The following ATP13A3 variants were observed in gnomAD, a reference collection of about 807,000 sequenced individuals.
ATP13A3 encodes the protein polyamine-transporting ATPase 13A3.
In ATP13A3, 59 loss-of-function variants were observed where a neutral mutation model predicts 158.1. The ratio of observed to expected loss-of-function variants is 0.37; its 90% CI spans 0.30 to 0.46. The LOEUF (loss-of-function observed/expected upper bound fraction) is 0.46, where lower values mean the gene tolerates loss of function less well. Among genes scored for constraint, ATP13A3 ranks in the 20% least tolerant of loss-of-function variants. ATP13A3 has a pLI of 1.00. For missense variants in ATP13A3, 1,166 were observed against 1,525.2 expected, an observed-to-expected ratio of 0.76 and a Z score of 3.92; for synonymous variants, 491 against 504.3, an observed-to-expected ratio of 0.97 and a Z score of 0.35.
chr3:194,417,396 G>GACACACAC (rs56119734), intron 31 of ATP13A3, among the ~76,000 whole-genome samples: 10,562 of 117,920 alleles, frequency 0.09, 676 homozygotes, highest in East Asian at 0.12. Flanking sequence ...GCCAGATTCT[G>GACACACAC]ACACACACAC....
intron 33 of ATP13A3, among the ~76,000 whole-genome samples, chr3:194,410,504 G>A (rs1715327152): frequency 1.3e-5 from 2 of 151,886 alleles, no homozygotes; most frequent in Admixed American, 1.3e-4. Context: ...AGGAGCTCGA[G>A]GCTACAGTGA....
Position 194,462,146 on chromosome 3 carries a change from A to T in ATP13A3, c.45T>A (p.Asp15Glu). The T allele has an allele frequency of 2.5e-6, 4 of 1,613,804 alleles. No individual in the cohort carries two copies. Among genetic ancestry groups the T allele is most frequent in the Non-Finnish European group, 3.4e-6 (4 of 1,179,738 alleles). Reference protein sequence around the residue: ...ERKTINQGQEDEMEIYGYNLS... With the variant: ...ERKTINQGQEEEMEIYGYNLS... The stretch of plus-strand genomic sequence containing the variant: ...AATTAGAACAGCTGGTTACCATTTC[A>T]TCTTCTTGACCCTGATTGATGGTCT... Residue 15 changes from aspartate to glutamate, a missense_variant, in exon 3 of 34, where the codon GAT becomes GAA. Asp to Glu is a conservative substitution (Grantham distance 45). Around this residue, in one of 3 missense-constraint regions of ATP13A3, gnomAD observed 65 missense variants for 92.4 expected, o/e 0.70. Transcript: ENST00000645319.
At chr3:194,453,684 C>T (rs778993880) in intron 10 of ATP13A3, 22 bp downstream of exon 10, 3 of 1,586,304 alleles carry the variant, frequency 1.9e-6, no homozygotes, top group Admixed American at 3.4e-5. Context: ...TTGATTTATT[C>T]TTCCAACATT....
Position 194,462,357 on chromosome 3 carries a change from T to C in ATP13A3, c.-46-121A>G, listed in dbSNP as rs911209474. 3 of 633,864 alleles carry C rather than the reference T, an allele frequency of 4.7e-6. No individual in the cohort carries two copies. In the African/African-American group the frequency reaches 5.5e-5, roughly 12 times the overall value. 39.3% of individuals were successfully genotyped at this position (633,864 alleles called of 1,614,324 possible). A position where few individuals can be genotyped will look rare whatever the true frequency, so the allele number is the denominator to read the frequency against. On this transcript the variant is annotated intron_variant, in intron 2 of 33. Coordinates refer to ENST00000645319, the MANE Select transcript of ATP13A3 (RefSeq NM_001367549.1). ...CCCAACCCCTGGGTCACGGACCTGT[T>C]AGGAACAGGGCCACACAGTAGGAGG...
intron 2 of ATP13A3, among the ~76,000 whole-genome samples, chr3:194,464,115 C>T (rs906128522): frequency 2.6e-5 from 4 of 152,172 alleles, no homozygotes. Flanking sequence ...AAGCTGAGAT[C>T]ACCTCACTGC....
Position 194,450,170 on chromosome 3 carries a change from G to A in ATP13A3, c.945C>T (p.Cys315=). 2 of 1,613,854 alleles carry A rather than the reference G, an allele frequency of 1.2e-6. No homozygotes were observed. Among genetic ancestry groups the A allele is most frequent in the Non-Finnish European group, 1.7e-6 (2 of 1,179,876 alleles). ...CTGTTAACATGCTTTCGTTTACAAT[G>A]CAGGTACCATTAATAAGCACAGCAT... ...PCDAVLINGT[C]IVNESMLTGE... is the part of the protein sequence containing the mutation. Residue 315 remains cysteine (C), a synonymous_variant, in exon 11 of 34, where the codon TGC becomes TGT. Coordinates refer to ENST00000645319, the MANE Select transcript of ATP13A3 (RefSeq NM_001367549.1).
At chr3:194,478,905 C>T (rs1212282455) in intron 2 of ATP13A3, among the ~76,000 whole-genome samples, 1 of 152,170 alleles carries the variant, frequency 6.6e-6, no homozygotes, top group Non-Finnish European at 1.5e-5. Context: ...GGAACTAAAA[C>T]ACTATTAAAT....
Position 194,448,008 on chromosome 3 carries a change from T to A in ATP13A3, c.1152A>T (p.Gly384=). ...CAAGCTGTCCTTTGGAAGTACTAAA[T>A]CCTTTCAAAAAAAGAAGACAATTAT... ...ELVKAIVVRT[G]FSTSKGQLVR... The change falls in exon 13 of 34, where the codon GGA becomes GGT. Residue 384 remains glycine, a splice_region_variant and synonymous_variant. Coordinates refer to ENST00000645319, the MANE Select transcript of ATP13A3 (RefSeq NM_001367549.1). The surrounding 1 kb of genome is among the most constrained non-coding windows in gnomAD (Gnocchi z 4.0). 6 of 1,593,652 alleles carry A rather than the reference T, an allele frequency of 3.8e-6. No homozygotes were observed. The highest frequency in any genetic ancestry group is 5.1e-6 in the Non-Finnish European group (6 of 1,167,766).
In ATP13A3 at chr3:194,453,786, AG is replaced by A. The variant is rs2108930407; in HGVS notation, c.766-9del. The A allele has an allele frequency of 6.2e-7, 1 of 1,611,238 alleles. No individual in the cohort carries two copies. The highest frequency in any genetic ancestry group is 2.2e-5 in the East Asian group (1 of 44,822). On this transcript the variant is annotated splice_polypyrimidine_tract_variant and intron_variant, in intron 9 of 33. Transcript: ENST00000645319. ...ATGCAACATAACATATTGCTGAAAG[AG>A]GAAAAAGAAGTTAGAAACTAGCCAA...
intron 28 of ATP13A3, among the ~76,000 whole-genome samples, chr3:194,427,556 T>C (rs1716877214): frequency 6.6e-6 from 1 of 151,530 alleles, no homozygotes; most frequent in African/African-American, 2.4e-5. Context: ...CCCAGCAATT[T>C]GGGAGGCCAC....
intron 2 of ATP13A3, among the ~76,000 whole-genome samples, chr3:194,476,048 T>C (rs1034587811): frequency 2.0e-5 from 3 of 152,160 alleles, no homozygotes; most frequent in East Asian, 1.9e-4. Flanking sequence ...TTACTCCACA[T>C]GTACTTGAAA....
chr3:194,454,562 C>T (rs975815467), intron 8 of ATP13A3, among the ~76,000 whole-genome samples, 170 bp from the exon 9 acceptor site: 5 of 152,216 alleles, frequency 3.3e-5, no homozygotes, highest in African/African-American at 4.8e-5. Context: ...GGCGCGGTGG[C>T]TCACGCCTGT....
At chr3:194,454,078 TC>T (rs1159993804) in intron 9 of ATP13A3, among the ~76,000 whole-genome samples, 179 bp downstream of exon 9, 1 of 152,086 alleles carries the variant, frequency 6.6e-6, no homozygotes, top group Non-Finnish European at 1.5e-5. Flanking sequence ...GCACCTGCTA[TC>T]CCCAACCTCC....
At chr3:194,492,758 C>T (rs1721160823) in intron 2 of ATP13A3, among the ~76,000 whole-genome samples, 1 of 152,080 alleles carries the variant, frequency 6.6e-6, no homozygotes, top group Admixed American at 6.6e-5. Context: ...AACCCGTGAT[C>T]TATACTTTAA....
intron 2 of ATP13A3, among the ~76,000 whole-genome samples, chr3:194,474,589 TTAAGG>T (rs1291773239): frequency 6.6e-5 from 10 of 152,108 alleles, no homozygotes; most frequent in Admixed American, 6.5e-4. Context: ...TAGTTCAGAG[TTAAGG>T]TAAAGTTTTT....
At position 194,428,933 on chromosome 3, in the gene ATP13A3, T is replaced by C. The variant is rs61404343; in HGVS notation, c.2875-16A>G. On this transcript the variant is annotated splice_polypyrimidine_tract_variant and intron_variant, in intron 27 of 33. Transcript: ENST00000645319. ...TACTTAAGATCTACAGAAGTAATTT[T>C]AAAAACATTATTAGTTTTTGGGAAT... 4.1e-4 allele frequency: 614 copies of C among 1,499,870 alleles called. No individual in the cohort carries two copies. The African/African-American group carries it at 8.0e-3, about 20-fold the overall frequency. The allele number at this position is 1,499,870 out of a possible 1,614,324, so 92.9% of individuals were successfully genotyped here. A position where few individuals can be genotyped will look rare whatever the true frequency, so the allele number is the denominator to read the frequency against.
At chr3:194,479,560 G>A (rs1720669211) in intron 2 of ATP13A3, among the ~76,000 whole-genome samples, 1 of 150,488 alleles carries the variant, frequency 6.6e-6, no homozygotes, top group African/African-American at 2.4e-5. Context: ...AAAAATCTTT[G>A]GTCTAAAAAA....
chr3:194,453,758 G>C lies in ATP13A3; in HGVS notation c.786C>G (p.Asp262Glu), dbSNP rs373966491. The C allele has an allele frequency of 4.3e-6, 7 of 1,613,456 alleles. No individual in the cohort carries two copies. The highest frequency in any genetic ancestry group is 5.9e-6 in the Non-Finnish European group (7 of 1,179,656). Residue 262 changes from aspartate to glutamate, a missense_variant, in exon 10 of 34, where the codon GAC becomes GAG. Transcript: ENST00000645319. ...SIRKQYVMLH[D>E]MVATHSTVRV... ...TTACGGTACTATGAGTTGCCACCATGTCATGCAACATAACATATTGCTGAA... is the reference window on the plus strand; with the variant it reads ...TTACGGTACTATGAGTTGCCACCATCTCATGCAACATAACATATTGCTGAA...
At chr3:194,426,849 A>C (rs1344881659) in intron 29 of ATP13A3, among the ~76,000 whole-genome samples, 1 of 151,950 alleles carries the variant, frequency 6.6e-6, no homozygotes, top group African/African-American at 2.4e-5. Context: ...TTTAGTAGAG[A>C]CGGGGATTCA....
Sources: gnomAD v4.1 joint callset for allele counts (sites outside exome capture counted in the v4.1 genomes callset) on GRCh38, gnomAD v4.1.1 for gene constraint, gnomAD v4.1.1 regional missense constraint, Gnocchi (gnomAD v3.1) non-coding constraint, MANE v1.5 for transcripts, NCBI Gene and HGNC (gene_info 2026-07-23, HGNC 2026-07-21) for gene names.